Variants in CHRM3 observed in about 807,000 individuals in gnomAD.
The protein encoded by CHRM3 is muscarinic acetylcholine receptor M3.
A neutral mutation model predicts 41.8 loss-of-function variants in CHRM3; 11 were observed. That is an observed-to-expected ratio of 0.26 (90% CI 0.17 to 0.44). CHRM3 has a LOEUF of 0.44. Among genes scored for constraint, CHRM3 ranks in the 20% least tolerant of loss-of-function variants. The probability of loss-of-function intolerance (pLI) is 1.00; values close to 1 mark genes in which losing one functional copy is unlikely to be tolerated. For synonymous variants in CHRM3, 297 were observed against 301.4 expected, an observed-to-expected ratio of 0.99 and a Z score of 0.15; for missense variants, 571 against 745.4, an observed-to-expected ratio of 0.77 and a Z score of 2.72.
chr1:239,873,504 C>T (rs1219943000), intron 6 of CHRM3, among the ~76,000 whole-genome samples: 1 of 152,044 alleles, frequency 6.6e-6, no homozygotes, highest in Non-Finnish European at 1.5e-5. Flanking sequence ...CCACCCACCC[C>T]CTGACAGGCC....
chr1:239,533,312 T>C (rs1657844175), intron 2 of CHRM3, among the ~76,000 whole-genome samples: 3 of 151,654 alleles, frequency 2.0e-5, no homozygotes, highest in African/African-American at 4.9e-5. Flanking sequence ...AGAAAAGAGG[T>C]TTAATTGACT....
chr1:239,426,490 G>GA (rs1662399440), intron 1 of CHRM3, among the ~76,000 whole-genome samples: 1 of 125,664 alleles, frequency 8.0e-6, no homozygotes, highest in African/African-American at 3.2e-5. Flanking sequence ...AAAAAAGAAA[G>GA]AAAAAATCCA....
At chr1:239,504,132 T>C (rs537727716) in intron 2 of CHRM3, among the ~76,000 whole-genome samples, 4 of 152,174 alleles carry the variant, frequency 2.6e-5, no homozygotes, top group African/African-American at 9.6e-5. Flanking sequence ...ATCCACAGTG[T>C]GGGAGAAAAT....
chr1:239,637,042 G>A, intron 4 of CHRM3, among the ~76,000 whole-genome samples: 1 of 152,146 alleles, frequency 6.6e-6, no homozygotes, highest in East Asian at 1.9e-4. Context: ...AAAATAAAAA[G>A]TATTGGGAGG....
chr1:239,677,592 A>G (rs1658140423), intron 4 of CHRM3, among the ~76,000 whole-genome samples: 1 of 152,182 alleles, frequency 6.6e-6, no homozygotes, highest in South Asian at 2.1e-4. Context: ...CACATGGCAG[A>G]AGGCAGAAAA....
intron 5 of CHRM3, among the ~76,000 whole-genome samples, chr1:239,726,830 A>G (rs1444240984): frequency 6.6e-6 from 1 of 151,980 alleles, no homozygotes; most frequent in Non-Finnish European, 1.5e-5. Context: ...CAATTTCATT[A>G]TTGCAATCCC....
At chr1:239,504,165 A>G (rs1668416414) in intron 2 of CHRM3, among the ~76,000 whole-genome samples, 1 of 152,192 alleles carries the variant, frequency 6.6e-6, no homozygotes, top group South Asian at 2.1e-4. Context: ...TACATCTGAC[A>G]AAGGACTAAT....
intron 4 of CHRM3, among the ~76,000 whole-genome samples, chr1:239,641,026 C>T (rs183871187): frequency 0.024 from 3,579 of 152,072 alleles, 61 homozygotes; most frequent in Middle Eastern, 0.037. Context: ...GTTATGTACC[C>T]AGTAGTCATT....
At chr1:239,832,591 A>G (rs1444265059) in intron 6 of CHRM3, among the ~76,000 whole-genome samples, 1 of 152,042 alleles carries the variant, frequency 6.6e-6, no homozygotes, top group Non-Finnish European at 1.5e-5. Flanking sequence ...CGCAGTGCAA[A>G]GCAAAAGTAA....
intron 6 of CHRM3, among the ~76,000 whole-genome samples, chr1:239,869,997 T>C (rs1020881985): frequency 3.3e-5 from 5 of 152,158 alleles, no homozygotes; most frequent in African/African-American, 1.2e-4. Flanking sequence ...CATTTTGTGT[T>C]TGTTGTTTCT....
At chr1:239,427,480 C>G (rs983088902) in intron 1 of CHRM3, among the ~76,000 whole-genome samples, 10 of 152,060 alleles carry the variant, frequency 6.6e-5, no homozygotes, top group Admixed American at 6.6e-4. Context: ...CAACCCAGAG[C>G]CTAGCAGGGA....
At chr1:239,830,768 G>A (rs975697203) in intron 6 of CHRM3, among the ~76,000 whole-genome samples, 14 of 152,142 alleles carry the variant, frequency 9.2e-5, no homozygotes, top group Admixed American at 6.5e-5. Flanking sequence ...TTCCCTGTGA[G>A]CAAAGAAGAC....
At position 239,504,259 on chromosome 1, in the gene CHRM3, C is replaced by T. The variant is rs140581160; in HGVS notation, c.-422+11452C>T. Among the ~76,000 whole-genome samples, 6 of 152,176 alleles carry T rather than the reference C, an allele frequency of 3.9e-5. No individual in the cohort carries two copies. In the East Asian group the frequency reaches 9.6e-4, roughly 24 times the overall value. On this transcript the variant is annotated intron_variant, in intron 2 of 6. Transcript: ENST00000676153. ...ATCCCATAAAAAAGGGGGCTGAGGACATGCATAGGCAATTCTCAAAACAAG... is the reference window on the plus strand; with the variant it reads ...ATCCCATAAAAAAGGGGGCTGAGGATATGCATAGGCAATTCTCAAAACAAG...
At chr1:239,420,442 G>T (rs189897995) in intron 1 of CHRM3, among the ~76,000 whole-genome samples, 126 of 152,302 alleles carry the variant, frequency 8.3e-4, no homozygotes, top group African/African-American at 2.9e-3. Flanking sequence ...TTTGGATTCA[G>T]TAGATTTGGA....
At chr1:239,740,622 C>T (rs1299308012) in intron 5 of CHRM3, among the ~76,000 whole-genome samples, 1 of 152,050 alleles carries the variant, frequency 6.6e-6, no homozygotes, top group African/African-American at 2.4e-5. Context: ...CTCCCCTTGC[C>T]CCTCACCCCC....
chr1:239,877,230 G>A (rs529198587), intron 6 of CHRM3, among the ~76,000 whole-genome samples: 57 of 152,190 alleles, frequency 3.7e-4, no homozygotes, highest in African/African-American at 1.3e-3. Flanking sequence ...GAAATATCAA[G>A]GCATTTTTCT....
intron 6 of CHRM3, among the ~76,000 whole-genome samples, chr1:239,834,747 G>GTA: frequency 6.6e-6 from 1 of 152,162 alleles, no homozygotes; most frequent in Middle Eastern, 3.4e-3. Context: ...GGCTTACTGT[G>GTA]TATACGGCTG....
At chr1:239,684,976 A>G (rs540834287) in intron 5 of CHRM3, among the ~76,000 whole-genome samples, 27 of 152,294 alleles carry the variant, frequency 1.8e-4, no homozygotes, top group African/African-American at 6.3e-4. Context: ...AAACAAAAAT[A>G]AAATCAGCAG....
chr1:239,721,069 A>C (rs1432572489), intron 5 of CHRM3, among the ~76,000 whole-genome samples: 1 of 151,924 alleles, frequency 6.6e-6, no homozygotes, highest in African/African-American at 2.4e-5. Context: ...CCAGTGATCC[A>C]ATAAAAGGAG....
Sources: allele counts gnomAD v4.1 joint callset (sites outside exome capture counted in the v4.1 genomes callset), GRCh38; gene constraint gnomAD v4.1.1; transcripts MANE v1.5; gene names NCBI Gene and HGNC (gene_info 2026-07-23, HGNC 2026-07-21).